ITK: variants seen among roughly 807,000 people sequenced by gnomAD.
The protein encoded by ITK is tyrosine-protein kinase ITK/TSK.
Under a neutral mutation model 87.6 loss-of-function variants are expected in ITK, and 45 were observed. That is an observed-to-expected ratio of 0.51 (90% CI 0.40 to 0.66). The LOEUF (loss-of-function observed/expected upper bound fraction) is 0.66. Ranked by LOEUF, ITK falls within the 30% of genes least tolerant of loss-of-function variation. ITK has a pLI of 0.00. For synonymous variants in ITK, 303 were observed against 273.6 expected (o/e 1.11, Z -1.06); for missense variants, 605 against 766.3 (o/e 0.79, Z 2.48).
chr5:157,237,148 G>A (rs1754793234), intron 8 of ITK, among the ~76,000 whole-genome samples: 1 of 152,244 alleles, frequency 6.6e-6, no homozygotes, highest in African/African-American at 2.4e-5. Flanking sequence ...CAACCTAGGT[G>A]CCTATCAACA....
At chr5:157,229,510 G>A (rs911998225) in intron 7 of ITK, among the ~76,000 whole-genome samples, 2 of 152,114 alleles carry the variant, frequency 1.3e-5, no homozygotes, top group Non-Finnish European at 2.9e-5. Flanking sequence ...GGATATATTA[G>A]ACAAATCCAA....
chr5:157,233,963 A>ATT (rs869230073), intron 8 of ITK, among the ~76,000 whole-genome samples: 2 of 22,294 alleles, frequency 9.0e-5, no homozygotes, highest in African/African-American at 3.1e-4. Flanking sequence ...ATATATATAT[A>ATT]TTTTTTTTTT....
chr5:157,241,107 T>A (rs1004710268), intron 10 of ITK: 2 of 153,276 alleles, frequency 1.3e-5, no homozygotes, highest in East Asian at 3.8e-4. Context: ...CCCGCTAATT[T>A]TGGTATTTTT....
Position 157,181,604 on chromosome 5 carries a change from A to G in ITK, c.138+489A>G, listed in dbSNP as rs1753520498. Among the ~76,000 whole-genome samples, 4 of 152,210 alleles carry G rather than the reference A, an allele frequency of 2.6e-5. No individual in the cohort carries two copies. The South Asian group carries it at 8.3e-4, about 31-fold the overall frequency. ...TTTTGGGTTCAGTGTTAACGTTTTC[A>G]TGAATAACTCTGTTTGTCTCAATAC... is the stretch of plus-strand genomic sequence containing the variant. On this transcript the variant is annotated intron_variant, in intron 1 of 16. Coordinates refer to ENST00000422843, the MANE Select transcript of ITK (RefSeq NM_005546.4).
At chr5:157,181,207 C>A in intron 1 of ITK, 92 bp downstream of exon 1, 1 of 1,255,526 alleles carries the variant, frequency 8.0e-7, no homozygotes, top group Non-Finnish European at 1.2e-6. Context: ...TAAAATAGAG[C>A]ACAGGAAACA....
rs748766592 is a variant in ITK at position 157,214,201 on chromosome 5, T to A, written c.336T>A (p.Asn112Lys). The A allele has an allele frequency of 6.2e-7, 1 of 1,611,990 alleles. No homozygotes were observed. The highest frequency in any genetic ancestry group is 1.1e-5 in the South Asian group (1 of 91,032). Residue 112 changes from asparagine (N) to lysine (K), a missense_variant, in exon 4 of 17, where the codon AAT (asparagine) becomes AAA (lysine). Coordinates refer to ENST00000422843, the MANE Select transcript of ITK (RefSeq NM_005546.4). ...GCCAACCTGTTTCAGAAACGAGGAA[T>A]AATAACAGTTTGGTGCCTAAATATC... is the stretch of plus-strand genomic sequence containing the variant. ...WVLALKEETR[N>K]NNSLVPKYHP...
chr5:157,186,382 G>C (rs939940972), intron 1 of ITK, among the ~76,000 whole-genome samples: 2 of 147,954 alleles, frequency 1.4e-5, no homozygotes, highest in Non-Finnish European at 3.0e-5. Flanking sequence ...AAAAAAAAAA[G>C]AGAGAGAGAG....
In ITK at chr5:157,243,656, T is replaced by G. The variant is rs762166678; in HGVS notation, c.1094T>G (p.Phe365Cys). Residue 365 changes from phenylalanine to cysteine, a missense_variant, in exon 12 of 17, where the codon TTT becomes TGT. Transcript: ENST00000422843. The stretch of plus-strand genomic sequence containing the variant: ...GTGATCGACCCCTCAGAGCTCACTT[T>G]TGTGCAAGAGATTGGCAGTGGGCAA... ...KWVIDPSELT[F>C]VQEIGSGQFG... 6.2e-7 allele frequency: 1 copy of G among 1,613,326 alleles called. No homozygotes were observed. The highest frequency in any genetic ancestry group is 8.5e-7 in the Non-Finnish European group (1 of 1,179,986).
chr5:157,226,391 T>C (rs1321483985), intron 6 of ITK, among the ~76,000 whole-genome samples: 1 of 152,236 alleles, frequency 6.6e-6, no homozygotes, highest in Non-Finnish European at 1.5e-5. Context: ...TATTATTTGA[T>C]GCATTAATAT....
intron 16 of ITK, among the ~76,000 whole-genome samples, chr5:157,251,449 G>C (rs1444195387): frequency 6.6e-6 from 1 of 152,182 alleles, no homozygotes; most frequent in Non-Finnish European, 1.5e-5. Flanking sequence ...TCTGTGGCAT[G>C]TCTTCTCATT....
Position 157,204,714 on chromosome 5 carries a change from A to G in ITK, c.139-4175A>G, listed in dbSNP as rs116279750. Among the ~76,000 whole-genome samples, 715 of 152,064 alleles carry G rather than the reference A, an allele frequency of 4.7e-3. 8 individuals are homozygous for G. The highest frequency in any genetic ancestry group is 0.016 in the African/African-American group (673 of 41,478). On this transcript the variant is annotated intron_variant, in intron 1 of 16. Coordinates refer to ENST00000422843, the MANE Select transcript of ITK (RefSeq NM_005546.4). ...ACTCCATCTCAAAAAAACAAAAAAG[A>G]GAAAAAAAAAAGATCTGGGATTACA...
At chr5:157,234,107 A>C (rs1024190838) in intron 8 of ITK, among the ~76,000 whole-genome samples, 2 of 148,490 alleles carry the variant, frequency 1.3e-5, no homozygotes, top group Non-Finnish European at 3.0e-5. Flanking sequence ...CAGCCTCCTA[A>C]GTAGCTGGGA....
intron 7 of ITK, among the ~76,000 whole-genome samples, chr5:157,230,919 C>G (rs1754639126): frequency 6.6e-6 from 1 of 152,222 alleles, no homozygotes; most frequent in Non-Finnish European, 1.5e-5. Flanking sequence ...TGTGCACTTT[C>G]AGTTTGCATT....
Position 157,217,925 on chromosome 5 carries a change from C to A in ITK, c.495+18C>A. 6.2e-7 allele frequency: 1 copy of A among 1,611,608 alleles called. No individual in the cohort carries two copies. The highest frequency in any genetic ancestry group is 8.5e-7 in the Non-Finnish European group (1 of 1,177,726). On this transcript the variant is annotated intron_variant, in intron 5 of 16. Coordinates refer to ENST00000422843, the MANE Select transcript of ITK (RefSeq NM_005546.4). ...ACAACAGGGTGAGTGAGAGCGCTAG[C>A]TCCGGGTGCAGGTGGGCCCACAGGC...
intron 6 of ITK, among the ~76,000 whole-genome samples, chr5:157,227,458 A>G (rs1044623341): frequency 1.3e-5 from 2 of 152,172 alleles, no homozygotes; most frequent in Non-Finnish European, 1.5e-5. Context: ...TATACCGTTC[A>G]TATCTGAAGA....
intron 11 of ITK, among the ~76,000 whole-genome samples, chr5:157,242,898 G>A (rs1436629149): frequency 6.6e-6 from 1 of 152,214 alleles, no homozygotes; most frequent in Non-Finnish European, 1.5e-5. Flanking sequence ...GCTCAATACT[G>A]CCTGCTGTTG....
chr5:157,208,621 C>T (rs1754126359), intron 1 of ITK, among the ~76,000 whole-genome samples: 1 of 152,170 alleles, frequency 6.6e-6, no homozygotes, highest in Non-Finnish European at 1.5e-5. Flanking sequence ...CCATTTGTCA[C>T]AAGGGCAGTG....
At chr5:157,210,446 A>T (rs960944707) in intron 2 of ITK, among the ~76,000 whole-genome samples, 1 of 152,148 alleles carries the variant, frequency 6.6e-6, no homozygotes, top group South Asian at 2.1e-4. Flanking sequence ...TCAAAATCTC[A>T]ATGATAATGA....
chr5:157,204,242 A>G (rs1754034632), intron 1 of ITK, among the ~76,000 whole-genome samples: 1 of 152,114 alleles, frequency 6.6e-6, no homozygotes, highest in Admixed American at 6.5e-5. Context: ...TTGGGCTCAA[A>G]TGACCTCCTA....
Sources: gnomAD v4.1 joint callset for allele counts (sites outside exome capture counted in the v4.1 genomes callset) on GRCh38, gnomAD v4.1.1 for gene constraint, MANE v1.5 for transcripts, NCBI Gene and HGNC (gene_info 2026-07-23, HGNC 2026-07-21) for gene names.